VWC2: variants seen among roughly 807,000 people sequenced by gnomAD.
VWC2 encodes the protein brorin.
In VWC2, 14 loss-of-function variants were observed where a neutral mutation model predicts 29.8. That is an observed-to-expected ratio of 0.47 (90% CI 0.31 to 0.74). The LOEUF is 0.74. VWC2 is among the 30% of genes least tolerant of loss of function. VWC2 has a pLI of 0.05. For synonymous variants in VWC2, 213 were observed against 199.0 expected (o/e 1.07, Z -0.59); for missense variants, 457 against 459.8 (o/e 0.99, Z 0.05).
Position 49,775,967 on chromosome 7 carries a change from T to A in VWC2, c.532T>A (p.Cys178Ser). Residue 178 changes from cysteine to serine, a missense_variant, in exon 2 of 4, where the codon TGC becomes AGC. Cys to Ser is a moderately radical substitution (Grantham distance 112, BLOSUM62 -1). Around this residue, in one of 2 missense-constraint regions of VWC2, gnomAD observed 185 missense variants for 257.1 expected, o/e 0.72. Coordinates refer to ENST00000340652, the MANE Select transcript of VWC2 (RefSeq NM_198570.5). The part of the protein sequence containing the change: ...KFAPGPSACP[C>S]LCTEEGPLCA... ...CGCGCCGGGCCCCTCGGCCTGCCCG[T>A]GCCTGTGCACCGAGGAGGGGCCGCT... The A allele has an allele frequency of 3.9e-6, 6 of 1,550,036 alleles. No individual in the cohort carries two copies. The highest frequency in any genetic ancestry group is 5.2e-6 in the Non-Finnish European group (6 of 1,150,508).
chr7:49,906,812 G>T (rs187165238), intron 3 of VWC2, among the ~76,000 whole-genome samples: 9 of 145,872 alleles, frequency 6.2e-5, no homozygotes, highest in African/African-American at 2.2e-4. Flanking sequence ...CTAGGATTGT[G>T]TGTTTTAAAT....
chr7:49,815,199 A>C (rs75257223), intron 3 of VWC2, among the ~76,000 whole-genome samples: 21,778 of 152,260 alleles, frequency 0.14, 1,989 homozygotes, highest in Non-Finnish European at 0.21. Context: ...ATGATCTCAC[A>C]GTCTAGAGGT....
intron 2 of VWC2, among the ~76,000 whole-genome samples, chr7:49,786,884 T>C (rs952231932): frequency 6.6e-6 from 1 of 152,234 alleles, no homozygotes; most frequent in African/African-American, 2.4e-5. Flanking sequence ...TGGACCTTTG[T>C]TGGATGCATA....
chr7:49,860,228 C>T (rs1293879204), intron 3 of VWC2, among the ~76,000 whole-genome samples: 1 of 152,166 alleles, frequency 6.6e-6, no homozygotes, highest in Non-Finnish European at 1.5e-5. Context: ...AACTGAAACC[C>T]TCCGCCTGTT....
At position 49,856,877 on chromosome 7, in the gene VWC2, C is replaced by T. The variant is rs535032325; in HGVS notation, c.826+54037C>T. 8.6e-4 allele frequency among the ~76,000 whole-genome samples: 130 copies of T among 151,690 alleles called. 2 individuals carry two copies. The Middle Eastern group carries it at 0.01, about 12-fold the overall frequency. ...ACAAAAAATTAGCTGGGCGTGGTGGCGGGCGCCTGTAGTCCCAGCTACTCG... is the reference window on the plus strand; with the variant it reads ...ACAAAAAATTAGCTGGGCGTGGTGGTGGGCGCCTGTAGTCCCAGCTACTCG... On this transcript the variant is annotated intron_variant, in intron 3 of 3. Coordinates refer to ENST00000340652, the MANE Select transcript of VWC2 (RefSeq NM_198570.5).
chr7:49,901,095 A>G (rs1262016476), intron 3 of VWC2: 2 of 151,958 alleles, frequency 1.3e-5, no homozygotes, highest in Non-Finnish European at 2.9e-5. Flanking sequence ...CTATTTACAA[A>G]AAACCTACAA....
In VWC2 at chr7:49,783,624, G is replaced by A. The variant is rs562277346; in HGVS notation, c.696+7493G>A. The stretch of plus-strand genomic sequence containing the variant: ...TCATACTTCTCATTCTATTTCTGTC[G>A]GGCACTGGGGTGCGGCCAGGACATA... On this transcript the variant is annotated intron_variant, in intron 2 of 3. Transcript: ENST00000340652. Among the ~76,000 whole-genome samples, 21 of 152,112 alleles carry A rather than the reference G, an allele frequency of 1.4e-4. No homozygotes were observed. The East Asian group carries it at 3.1e-3, about 22-fold the overall frequency.
chr7:49,840,454 T>G lies in VWC2; in HGVS notation c.826+37614T>G, dbSNP rs564439236. On this transcript the variant is annotated intron_variant, in intron 3 of 3. Coordinates refer to ENST00000340652, the MANE Select transcript of VWC2 (RefSeq NM_198570.5). ...CATTTGTTTATCAGGATGTGCCAGC[T>G]GCTGCTTGGTAGCCCCCAGCATGGT... is the stretch of plus-strand genomic sequence containing the variant. 3.9e-5 allele frequency among the ~76,000 whole-genome samples: 6 copies of G among 152,312 alleles called. No individual in the cohort carries two copies. The South Asian group carries it at 1.0e-3, about 26-fold the overall frequency.
At chr7:49,841,349 C>T (rs1243120023) in intron 3 of VWC2, among the ~76,000 whole-genome samples, 1 of 149,472 alleles carries the variant, frequency 6.7e-6, no homozygotes, top group Non-Finnish European at 1.5e-5. Context: ...CAGGAAAAAG[C>T]AGTAAACAGA....
chr7:49,896,754 G>C (rs995848123), intron 3 of VWC2, among the ~76,000 whole-genome samples: 2 of 151,918 alleles, frequency 1.3e-5, no homozygotes, highest in Non-Finnish European at 2.9e-5. Context: ...AATATTATCA[G>C]CGACTCTATG....
rs527438091 is a variant in VWC2, at chr7:49,909,864, G to A, written c.827-2170G>A. 1.1e-4 allele frequency among the ~76,000 whole-genome samples: 17 copies of A among 152,288 alleles called. No individual in the cohort carries two copies. The South Asian group carries it at 1.2e-3, about 11-fold the overall frequency. ...CATTCCTGTAATCCCAGCACTTTGG[G>A]AGGTCAAGGCGGGAGGATCTCTTGA... On this transcript the variant is annotated intron_variant, in intron 3 of 3. Transcript: ENST00000340652.
At chr7:49,815,449 A>G (rs1056202960) in intron 3 of VWC2, among the ~76,000 whole-genome samples, 6 of 152,216 alleles carry the variant, frequency 3.9e-5, no homozygotes, top group African/African-American at 1.4e-4. Context: ...AAGGTTGTGT[A>G]AATGTATAAA....
intron 3 of VWC2, among the ~76,000 whole-genome samples, chr7:49,848,321 T>C (rs999251133): frequency 1.3e-5 from 2 of 152,178 alleles, no homozygotes; most frequent in Non-Finnish European, 2.9e-5. Flanking sequence ...TCCAGGATCT[T>C]CTCTCTCCTG....
intron 3 of VWC2, among the ~76,000 whole-genome samples, chr7:49,889,139 T>C (rs1792026067): frequency 1.3e-5 from 2 of 152,192 alleles, no homozygotes; most frequent in African/African-American, 2.4e-5. Context: ...CAAATGATTA[T>C]TCCCTCATTT....
rs13245260 is a variant in VWC2, at chr7:49,837,525, G to A, written c.826+34685G>A. Among the ~76,000 whole-genome samples, 1,041 of 152,300 alleles carry A rather than the reference G, an allele frequency of 6.8e-3. 11 individuals carry two copies. Among genetic ancestry groups the A allele is most frequent in the Non-Finnish European group, 0.01 (696 of 68,032 alleles). Reference sequence around the variant, plus strand: ...TTGCCTTGGAATCCCTGAAGGCCGGGGGAGGTCATGGGGAGAGTTCTGGAC... The same window carrying A: ...TTGCCTTGGAATCCCTGAAGGCCGGAGGAGGTCATGGGGAGAGTTCTGGAC... On this transcript the variant is annotated intron_variant, in intron 3 of 3. Coordinates refer to ENST00000340652, the MANE Select transcript of VWC2 (RefSeq NM_198570.5).
chr7:49,844,114 A>G (rs576125278), intron 3 of VWC2, among the ~76,000 whole-genome samples: 1 of 152,294 alleles, frequency 6.6e-6, no homozygotes, highest in South Asian at 2.1e-4. Flanking sequence ...AGGTGGATGA[A>G]TGTGTGATGT....
chr7:49,861,220 G>A (rs1790638988), intron 3 of VWC2, among the ~76,000 whole-genome samples: 1 of 152,034 alleles, frequency 6.6e-6, no homozygotes, highest in South Asian at 2.1e-4. Flanking sequence ...ATGTAAAATG[G>A]AATCCTATTG....
intron 3 of VWC2, among the ~76,000 whole-genome samples, chr7:49,904,929 T>C (rs1793005412): frequency 6.6e-6 from 1 of 151,810 alleles, no homozygotes; most frequent in Non-Finnish European, 1.5e-5. Flanking sequence ...AGAGATGGGG[T>C]TTCACCATCT....
intron 3 of VWC2, among the ~76,000 whole-genome samples, chr7:49,899,413 A>G (rs1792584071): frequency 6.6e-6 from 1 of 152,066 alleles, no homozygotes; most frequent in Admixed American, 6.5e-5. Context: ...GGGTAACTGA[A>G]ACCATGGAAA....
Sources: gnomAD v4.1 joint callset for allele counts (sites outside exome capture counted in the v4.1 genomes callset) on GRCh38, gnomAD v4.1.1 for gene constraint, gnomAD v4.1.1 regional missense constraint, MANE v1.5 for transcripts, NCBI Gene and HGNC (gene_info 2026-07-23, HGNC 2026-07-21) for gene names.